The following PCDH15 variants were observed in gnomAD, a reference collection of about 807,000 sequenced individuals.
PCDH15 encodes protocadherin related 15.
PCDH15 carries 129 observed loss-of-function variants against 178.5 expected under a neutral mutation model. That is an observed-to-expected ratio of 0.72 (90% CI 0.63 to 0.84). The LOEUF is 0.84. Ranked by LOEUF, PCDH15 falls within the 40% of genes least tolerant of loss-of-function variation. PCDH15 has a pLI of 0.00. For synonymous variants in PCDH15, 800 were observed against 732.0 expected, an observed-to-expected ratio of 1.09 and a Z score of -1.50; for missense variants, 2,230 against 2,099.9, an observed-to-expected ratio of 1.06 and a Z score of -1.21.
chr10:55,273,644 C>T (rs1272383817), intron 1 of PCDH15, among the ~76,000 whole-genome samples: 2 of 152,038 alleles, frequency 1.3e-5, no homozygotes, highest in Non-Finnish European at 2.9e-5. Context: ...ATTATCACTG[C>T]TTGGGACATC....
At chr10:55,198,038 A>G (rs1488500942) in intron 1 of PCDH15, among the ~76,000 whole-genome samples, 2 of 152,132 alleles carry the variant, frequency 1.3e-5, no homozygotes. Context: ...AGGAGGTAGA[A>G]AAAGGATGGA....
intron 2 of PCDH15, among the ~76,000 whole-genome samples, chr10:54,902,771 A>G (rs1954658268): frequency 6.6e-6 from 1 of 152,116 alleles, no homozygotes; most frequent in Non-Finnish European, 1.5e-5. Flanking sequence ...AAATAAATTC[A>G]TGGAATGTTT....
chr10:55,046,759 T>C (rs2131983259), intron 2 of PCDH15, among the ~76,000 whole-genome samples: 1 of 152,116 alleles, frequency 6.6e-6, no homozygotes, highest in East Asian at 1.9e-4. Flanking sequence ...GAAGTGAAGA[T>C]AATGTGAGGA....
chr10:54,911,230 A>G (rs1954808629), intron 2 of PCDH15, among the ~76,000 whole-genome samples: 1 of 152,192 alleles, frequency 6.6e-6, no homozygotes, highest in South Asian at 2.1e-4. Context: ...ATTTCATAGA[A>G]GGAGTTCATT....
chr10:55,398,685 A>G (rs898775950), intron 2 of PCDH15, among the ~76,000 whole-genome samples: 5 of 152,122 alleles, frequency 3.3e-5, no homozygotes, highest in African/African-American at 1.2e-4. Flanking sequence ...ACTACTCACC[A>G]TCTGGCATAT....
chr10:55,090,595 T>A (rs1353947333), intron 2 of PCDH15, among the ~76,000 whole-genome samples: 2 of 152,016 alleles, frequency 1.3e-5, no homozygotes, highest in Non-Finnish European at 2.9e-5. Flanking sequence ...GAAGAGATCC[T>A]CCTGTTCCAT....
At chr10:54,827,307 G>A (rs1953148790) in intron 3 of PCDH15, among the ~76,000 whole-genome samples, 2 of 152,082 alleles carry the variant, frequency 1.3e-5, no homozygotes, top group South Asian at 4.1e-4. Flanking sequence ...GCTTGCTCAA[G>A]TAATACTGCA....
intron 2 of PCDH15, among the ~76,000 whole-genome samples, chr10:55,339,407 T>A (rs898161693): frequency 3.3e-5 from 5 of 152,084 alleles, no homozygotes; most frequent in African/African-American, 1.2e-4. Flanking sequence ...TCTGGTTCTG[T>A]ACATGGAACA....
At chr10:54,871,087 C>A (rs564281321) in intron 3 of PCDH15, among the ~76,000 whole-genome samples, 2 of 152,270 alleles carry the variant, frequency 1.3e-5, no homozygotes, top group East Asian at 3.9e-4. Flanking sequence ...CTTTAAAAAT[C>A]CACATCTGTC....
At position 54,831,987 on chromosome 10, in the gene PCDH15, G is replaced by GT. The variant is rs200405669; in HGVS notation, c.-29+65462dup. Among the ~76,000 whole-genome samples the GT allele has an allele frequency of 3.7e-3, 561 of 152,166 alleles. 1 individual carries two copies. Among genetic ancestry groups the GT allele is most frequent in the African/African-American group, 0.013 (539 of 41,526 alleles). On this transcript the variant is annotated intron_variant, in intron 3 of 5. Coordinates refer to the PCDH15 transcript ENST00000458638. ...TGCACAACCTAAATGATAAATATTTGTATGTCTATTTTGGTGTATTTTCCT... is the reference window on the plus strand; with the variant it reads ...TGCACAACCTAAATGATAAATATTTGTTATGTCTATTTTGGTGTATTTTCCT...
chr10:54,717,511 T>C (rs2095495643), intron 1 of PCDH15, among the ~76,000 whole-genome samples: 1 of 145,564 alleles, frequency 6.9e-6, no homozygotes, highest in Non-Finnish European at 1.5e-5. Context: ...CATGAAAAAA[T>C]GCTCACCATC....
intron 2 of PCDH15, among the ~76,000 whole-genome samples, chr10:55,433,894 C>T (rs887772345): frequency 6.6e-6 from 1 of 151,836 alleles, no homozygotes; most frequent in African/African-American, 2.4e-5. Context: ...CTTTTTTCTC[C>T]TGTTGAGAAG....
intron 2 of PCDH15, among the ~76,000 whole-genome samples, chr10:55,518,028 G>C (rs1296055068): frequency 6.6e-6 from 1 of 152,066 alleles, no homozygotes; most frequent in East Asian, 1.9e-4. Context: ...AGAGACAGGG[G>C]CTAATATTAA....
At chr10:54,651,199 A>T (rs562797086) in intron 2 of PCDH15, among the ~76,000 whole-genome samples, 23 of 152,294 alleles carry the variant, frequency 1.5e-4, no homozygotes, top group Non-Finnish European at 2.5e-4. Flanking sequence ...GAAAAGCAAA[A>T]AGACTTTAAA....
At position 53,902,798 on chromosome 10, in the gene PCDH15, A is replaced by G. The variant is rs75973846; in HGVS notation, c.3501+445T>C. On this transcript the variant is annotated intron_variant, in intron 26 of 37. Coordinates refer to ENST00000644397, the MANE Select transcript of PCDH15 (RefSeq NM_001384140.1). Reference sequence around the variant, plus strand: ...CTTTTAGTAAAGTACTAAAACTGGTAGTGTTATTTTTTTACTTTCATTCAA... The same window carrying G: ...CTTTTAGTAAAGTACTAAAACTGGTGGTGTTATTTTTTTACTTTCATTCAA... 7.6e-3 allele frequency among the ~76,000 whole-genome samples: 1,152 copies of G among 152,158 alleles called. 50 individuals are homozygous for G. In the East Asian group the frequency reaches 0.12, roughly 16 times the overall value.
At chr10:54,177,242 G>A (rs1464481129) in intron 13 of PCDH15, among the ~76,000 whole-genome samples, 1 of 152,230 alleles carries the variant, frequency 6.6e-6, no homozygotes, top group Middle Eastern at 3.4e-3. Flanking sequence ...CATGGAGACT[G>A]TAGAAAGATC....
chr10:54,200,479 G>A (rs984920367), intron 10 of PCDH15, among the ~76,000 whole-genome samples: 14 of 151,642 alleles, frequency 9.2e-5, no homozygotes, highest in African/African-American at 3.4e-4. Flanking sequence ...GTGTCCATAT[G>A]TTCTTATTGC....
intron 15 of PCDH15, among the ~76,000 whole-genome samples, chr10:54,090,664 T>G (rs1045740895): frequency 7.0e-6 from 1 of 142,812 alleles, no homozygotes; most frequent in South Asian, 2.2e-4. Context: ...AAAAAAAAAG[T>G]GCTAAACTAT....
At chr10:55,316,190 A>G (rs1424986618) in intron 1 of PCDH15, among the ~76,000 whole-genome samples, 1 of 152,182 alleles carries the variant, frequency 6.6e-6, no homozygotes, top group Non-Finnish European at 1.5e-5. Context: ...TACATATGCT[A>G]CTGTAAATAA....
Sources: allele counts gnomAD v4.1 joint callset (sites outside exome capture counted in the v4.1 genomes callset), GRCh38; gene constraint gnomAD v4.1.1; transcripts MANE v1.5; gene names NCBI Gene and HGNC (gene_info 2026-07-23, HGNC 2026-07-21).